The following SLC4A10 variants were observed in gnomAD, a reference collection of about 807,000 sequenced individuals.
The protein encoded by SLC4A10 is sodium-driven chloride bicarbonate exchanger.
In SLC4A10, 42 loss-of-function variants were observed where a neutral mutation model predicts 137.7. The observed-to-expected ratio is 0.30, with a 90% CI of 0.24 to 0.39. The LOEUF (loss-of-function observed/expected upper bound fraction) is 0.39, where lower values mean the gene tolerates loss of function less well. SLC4A10 is among the 10% of genes least tolerant of loss of function. The pLI is 1.00. For missense variants in SLC4A10, 925 were observed against 1,355.0 expected (o/e 0.68, Z 4.98); for synonymous variants, 474 against 464.1 (o/e 1.02, Z -0.27).
chr2:161,728,500 G>A (rs571527693), intron 1 of SLC4A10, among the ~76,000 whole-genome samples: 76 of 152,116 alleles, frequency 5.0e-4, no homozygotes, highest in Non-Finnish European at 9.6e-4. Context: ...GCTCAAACCC[G>A]GGAAATGGAG....
chr2:161,659,387 G>T (rs993875084), intron 1 of SLC4A10, among the ~76,000 whole-genome samples: 1 of 152,184 alleles, frequency 6.6e-6, no homozygotes, highest in Non-Finnish European at 1.5e-5. Context: ...GACTTGGAAA[G>T]GTGAGAGAAT....
chr2:161,858,829 C>CAAT (rs2060244398), intron 5 of SLC4A10, among the ~76,000 whole-genome samples: 3 of 152,116 alleles, frequency 2.0e-5, no homozygotes, highest in Non-Finnish European at 4.4e-5. Context: ...ATTTAAACAA[C>CAAT]CTTTGTTGTT....
intron 1 of SLC4A10, among the ~76,000 whole-genome samples, chr2:161,652,950 C>T (rs2037013040): frequency 6.6e-6 from 1 of 152,008 alleles, no homozygotes; most frequent in African/African-American, 2.4e-5. Flanking sequence ...TTGCTGCATC[C>T]ATCAACCCAT....
intron 1 of SLC4A10, among the ~76,000 whole-genome samples, chr2:161,736,845 GTATTAT>G (rs1253875614): frequency 1.3e-5 from 2 of 152,038 alleles, no homozygotes; most frequent in Non-Finnish European, 1.5e-5. Flanking sequence ...ATAAATGGAA[GTATTAT>G]TATTATTATT....
intron 15 of SLC4A10, among the ~76,000 whole-genome samples, chr2:161,930,003 G>A (rs1431061702): frequency 1.3e-5 from 2 of 152,082 alleles, no homozygotes; most frequent in Non-Finnish European, 2.9e-5. Context: ...TTTAGTTTGT[G>A]AGTTACTTCT....
rs1307122541 is a variant in SLC4A10, at chr2:161,660,585, TTTCTTTC to T, written c.48+36022_48+36028del. ...CTTTCTTTCTTTCTTTCTTTCTTTC[TTTCTTTC>T]TTTCTTTCTTTCTTTCTTTCTTTCT... On this transcript the variant is annotated intron_variant, in intron 1 of 26. Coordinates refer to ENST00000446997, the MANE Select transcript of SLC4A10 (RefSeq NM_001178015.2). Among the ~76,000 whole-genome samples, 237 of 132,250 alleles carry T rather than the reference TTTCTTTC, an allele frequency of 1.8e-3. 1 individual carries two copies. Among genetic ancestry groups the T allele is most frequent in the Middle Eastern group, 8.3e-3 (2 of 240 alleles). The allele number at this position is 132,250 out of a possible 152,430, so 86.8% of individuals were successfully genotyped here. A position where few individuals can be genotyped will look rare whatever the true frequency, so the allele number is the denominator to read the frequency against.
chr2:161,810,395 A>G (rs1020776830), intron 3 of SLC4A10, among the ~76,000 whole-genome samples: 2 of 152,000 alleles, frequency 1.3e-5, no homozygotes, highest in South Asian at 2.1e-4. Flanking sequence ...AGGTCTTCCT[A>G]TACTATGTTA....
intron 1 of SLC4A10, among the ~76,000 whole-genome samples, chr2:161,638,875 A>G (rs1180844080): frequency 1.0e-4 from 3 of 29,626 alleles, no homozygotes; most frequent in African/African-American, 2.3e-4. Context: ...TTTTTTTAAG[A>G]TAAAAAAAGA....
intron 1 of SLC4A10, among the ~76,000 whole-genome samples, chr2:161,750,293 G>T (rs978798229): frequency 3.3e-5 from 5 of 151,466 alleles, no homozygotes; most frequent in Non-Finnish European, 5.9e-5. Flanking sequence ...CTAACATTGG[G>T]TTTAGTCTGT....
intron 3 of SLC4A10, among the ~76,000 whole-genome samples, chr2:161,812,307 T>A (rs752215185): frequency 3.9e-4 from 59 of 152,102 alleles, no homozygotes; most frequent in Non-Finnish European, 6.5e-4. Flanking sequence ...GATCTCTTTG[T>A]GAAGACTTTC....
At chr2:161,854,291 T>C (rs6432701) in intron 4 of SLC4A10, among the ~76,000 whole-genome samples, 196 of 152,242 alleles carry the variant, frequency 1.3e-3, no homozygotes, top group African/African-American at 4.5e-3. Flanking sequence ...TTATAGACAA[T>C]CTAGGTATTA....
chr2:161,708,722 C>T, intron 1 of SLC4A10: 2 of 1,527,844 alleles, frequency 1.3e-6, no homozygotes, highest in Non-Finnish European at 1.8e-6. Flanking sequence ...ATAGAGATGG[C>T]TGTGATTATC....
intron 1 of SLC4A10, among the ~76,000 whole-genome samples, chr2:161,661,066 T>C (rs565731449): frequency 6.6e-6 from 1 of 152,266 alleles, no homozygotes; most frequent in South Asian, 2.1e-4. Context: ...AATTATAGCT[T>C]AACGATTTTT....
chr2:161,788,896 A>G (rs1559252450), intron 2 of SLC4A10, among the ~76,000 whole-genome samples: 1 of 152,172 alleles, frequency 6.6e-6, no homozygotes, highest in Non-Finnish European at 1.5e-5. Flanking sequence ...GTCAGCCCTC[A>G]TCAGGAAAAG....
intron 15 of SLC4A10, among the ~76,000 whole-genome samples, chr2:161,938,483 GATT>G (rs1037920130): frequency 6.6e-6 from 1 of 150,932 alleles, no homozygotes. Context: ...GATATTTATA[GATT>G]ATTATTATTA....
intron 24 of SLC4A10, among the ~76,000 whole-genome samples, chr2:161,976,060 C>G (rs192771477): frequency 6.6e-6 from 1 of 152,168 alleles, no homozygotes; most frequent in Non-Finnish European, 1.5e-5. Flanking sequence ...AATGGACATG[C>G]GGAACCCATT....
At chr2:161,632,430 A>G (rs1022249036) in intron 1 of SLC4A10, among the ~76,000 whole-genome samples, 1 of 151,724 alleles carries the variant, frequency 6.6e-6, no homozygotes, top group South Asian at 2.1e-4. Context: ...AACCCACCAC[A>G]TACACACAAC....
intron 1 of SLC4A10, among the ~76,000 whole-genome samples, chr2:161,670,392 A>G (rs1212964833): frequency 1.3e-5 from 2 of 149,304 alleles, no homozygotes; most frequent in African/African-American, 4.9e-5. Flanking sequence ...TTCCATTTTC[A>G]TTAAGTATGC....
intron 1 of SLC4A10, among the ~76,000 whole-genome samples, chr2:161,759,528 T>C (rs1335160316): frequency 6.6e-6 from 1 of 152,172 alleles, no homozygotes; most frequent in Middle Eastern, 3.4e-3. Flanking sequence ...ACACTCTGCT[T>C]ATATGATTTT....
Sources: allele counts gnomAD v4.1 joint callset (sites outside exome capture counted in the v4.1 genomes callset), GRCh38; gene constraint gnomAD v4.1.1; transcripts MANE v1.5; gene names NCBI Gene and HGNC (gene_info 2026-07-23, HGNC 2026-07-21).